Variants in PLCE1 observed in about 807,000 individuals in gnomAD.
PLCE1 encodes the protein phospholipase C epsilon 1, also known as 1-phosphatidylinositol 4,5-bisphosphate phosphodiesterase epsilon-1.
In PLCE1, 119 loss-of-function variants were observed where a neutral mutation model predicts 242.8. The ratio of observed to expected loss-of-function variants is 0.49; its 90% confidence interval spans 0.42 to 0.57. PLCE1 has a LOEUF of 0.57. Ranked by LOEUF, PLCE1 falls within the 20% of genes least tolerant of loss-of-function variation. PLCE1 has a pLI of 0.00. For synonymous variants in PLCE1, 945 were observed against 1,017.4 expected (o/e 0.93, Z 1.35); for missense variants, 2,441 against 2,788.8 (o/e 0.88, Z 2.81).
At chr10:94,181,964 C>T (rs143639396) in intron 4 of PLCE1, among the ~76,000 whole-genome samples, 293 of 151,040 alleles carry the variant, frequency 1.9e-3, no homozygotes, top group Admixed American at 3.8e-3. Flanking sequence ...CACGAGATAA[C>T]GCTGATGCTA....
chr10:94,137,902 T>C, intron 3 of PLCE1: 1 of 335,040 alleles, frequency 3.0e-6, no homozygotes, highest in Non-Finnish European at 5.9e-6. Flanking sequence ...TCTATTGCCC[T>C]CACAAAGCCA....
chr10:94,303,878 A>G (rs2053118820), intron 24 of PLCE1, among the ~76,000 whole-genome samples: 1 of 152,166 alleles, frequency 6.6e-6, no homozygotes, highest in South Asian at 2.1e-4. Flanking sequence ...TTTTCCCTAA[A>G]CAATACAGTA....
chr10:94,148,892 GA>G (rs1422289429), intron 3 of PLCE1, among the ~76,000 whole-genome samples: 1 of 152,160 alleles, frequency 6.6e-6, no homozygotes, highest in African/African-American at 2.4e-5. Context: ...CTTCTGCCTT[GA>G]ATGTCTGGAC....
chr10:94,265,614 C>G (rs775237796), intron 14 of PLCE1, 33 bp from the exon 15 acceptor site: 1 of 1,595,716 alleles, frequency 6.3e-7, no homozygotes, highest in Non-Finnish European at 8.6e-7. Context: ...TTTCCTTAAC[C>G]TAAATAACAC....
chr10:94,310,610 GAGCAGGAATCA>G (rs1554913410), intron 27 of PLCE1, among the ~76,000 whole-genome samples: 1 of 152,180 alleles, frequency 6.6e-6, no homozygotes, highest in Non-Finnish European at 1.5e-5. Context: ...GTGGTACAAA[GAGCAGGAATCA>G]CATGCTTTCA....
At chr10:94,143,213 T>A (rs2047022058) in intron 3 of PLCE1, among the ~76,000 whole-genome samples, 1 of 152,208 alleles carries the variant, frequency 6.6e-6, no homozygotes. Flanking sequence ...TTGTTTTTAC[T>A]TAATTCTCTG....
intron 4 of PLCE1, among the ~76,000 whole-genome samples, chr10:94,201,384 A>C (rs1215393613): frequency 6.6e-6 from 1 of 152,216 alleles, no homozygotes. Context: ...TGAACTATAA[A>C]GTGCTATACC....
chr10:94,079,111 C>A (rs2044585536), intron 2 of PLCE1, among the ~76,000 whole-genome samples: 3 of 152,016 alleles, frequency 2.0e-5, no homozygotes, highest in Admixed American at 1.3e-4. Context: ...GTAGCCGTTA[C>A]AAAATTTTTG....
At chr10:94,208,201 G>A (rs969677453) in intron 4 of PLCE1, among the ~76,000 whole-genome samples, 8 of 152,186 alleles carry the variant, frequency 5.3e-5, no homozygotes, top group South Asian at 2.1e-4. Context: ...CTGACCAGGT[G>A]ATCAAGATTG....
intron 4 of PLCE1, among the ~76,000 whole-genome samples, chr10:94,186,532 T>C (rs2048484379): frequency 6.6e-6 from 1 of 152,246 alleles, no homozygotes; most frequent in South Asian, 2.1e-4. Context: ...CATATTCAGA[T>C]TTGATAAATA....
chr10:94,075,689 T>G (rs1241519080), intron 2 of PLCE1, among the ~76,000 whole-genome samples: 2 of 152,246 alleles, frequency 1.3e-5, no homozygotes, highest in East Asian at 3.9e-4. Flanking sequence ...ATGCTGGCAC[T>G]TCTGTTATGA....
At chr10:94,217,175 C>T (rs10882406) in intron 4 of PLCE1, among the ~76,000 whole-genome samples, 53,355 of 151,100 alleles carry the variant, frequency 0.35, 9,626 homozygotes, top group East Asian at 0.52. Context: ...TCTCACCTTT[C>T]TCATCTGTAA....
At chr10:94,304,693 C>A (rs1288930671) in intron 25 of PLCE1, 48 bp downstream of exon 25, 1 of 1,582,276 alleles carries the variant, frequency 6.3e-7, no homozygotes, top group Admixed American at 1.7e-5. Context: ...TTTAAGCCTT[C>A]CTGAAAACGA....
intron 4 of PLCE1, among the ~76,000 whole-genome samples, chr10:94,220,374 T>TTTTA (rs1434316011): frequency 2.1e-4 from 8 of 38,394 alleles, no homozygotes; most frequent in African/African-American, 4.3e-4. Context: ...AAACTAAACA[T>TTTTA]TTTATATATA....
At chr10:94,309,534 C>G (rs917311454) in intron 27 of PLCE1, among the ~76,000 whole-genome samples, 17 of 152,118 alleles carry the variant, frequency 1.1e-4, no homozygotes, top group African/African-American at 3.6e-4. Context: ...CTATATTGCC[C>G]AGGTTGGTTT....
At chr10:94,122,699 G>T (rs2046333320) in intron 2 of PLCE1, among the ~76,000 whole-genome samples, 1 of 152,206 alleles carries the variant, frequency 6.6e-6, no homozygotes, top group African/African-American at 2.4e-5. Flanking sequence ...GTAAGTGCTT[G>T]TCAGATGGAT....
intron 18 of PLCE1, among the ~76,000 whole-genome samples, chr10:94,271,306 C>CTTTTTTTT (rs35048796): frequency 1.4e-5 from 1 of 73,264 alleles, no homozygotes; most frequent in Non-Finnish European, 2.6e-5. Flanking sequence ...AGAAGATCAT[C>CTTTTTTTT]TTTTTTTTTT....
chr10:94,205,043 T>A (rs75869902), intron 4 of PLCE1, among the ~76,000 whole-genome samples: 1 of 152,238 alleles, frequency 6.6e-6, no homozygotes, highest in African/African-American at 2.4e-5. Flanking sequence ...ATCTAAGGAA[T>A]GAATACCTGG....
At chr10:94,016,484 C>T (rs1390665246) in intron 1 of PLCE1, among the ~76,000 whole-genome samples, 1 of 152,024 alleles carries the variant, frequency 6.6e-6, no homozygotes, top group Non-Finnish European at 1.5e-5. Context: ...AAAGTTTTGA[C>T]TGCAGTTTGA....
Sources: gnomAD v4.1 joint callset for allele counts (sites outside exome capture counted in the v4.1 genomes callset) on GRCh38, gnomAD v4.1.1 for gene constraint, MANE v1.5 for transcripts, NCBI Gene and HGNC (gene_info 2026-07-23, HGNC 2026-07-21) for gene names.